The following FHIT variants were observed in gnomAD, a reference collection of about 807,000 sequenced individuals.
The protein encoded by FHIT is bis(5'-adenosyl)-triphosphatase.
Under a neutral mutation model 17.9 loss-of-function variants are expected in FHIT, and 19 were observed. That is an observed-to-expected ratio of 1.06 (90% CI 0.74 to 1.56). The LOEUF is 1.56. FHIT is among the 40% of genes most tolerant of loss of function. The pLI, the probability that FHIT is intolerant of heterozygous loss-of-function variation, is 0.00. For missense variants in FHIT, 248 were observed against 189.2 expected (o/e 1.31, Z -1.82); for synonymous variants, 81 against 69.7 (o/e 1.16, Z -0.81).
At chr3:60,388,073 T>C (rs1387761104) in intron 5 of FHIT, among the ~76,000 whole-genome samples, 1 of 152,174 alleles carries the variant, frequency 6.6e-6, no homozygotes, top group Non-Finnish European at 1.5e-5. Context: ...AAGCAGATAT[T>C]GTTGCTATGC....
At chr3:60,781,924 A>T (rs1553725779) in intron 4 of FHIT, among the ~76,000 whole-genome samples, 1 of 152,176 alleles carries the variant, frequency 6.6e-6, no homozygotes, top group African/African-American at 2.4e-5. Context: ...GGAATGATTA[A>T]ATCAAGCTAA....
chr3:60,044,236 G>T (rs977968730), intron 5 of FHIT, among the ~76,000 whole-genome samples: 2 of 152,142 alleles, frequency 1.3e-5, no homozygotes, highest in African/African-American at 2.4e-5. Context: ...AATTATAAAA[G>T]AACAAATATA....
chr3:59,898,976 G>C (rs1704200475), intron 8 of FHIT, among the ~76,000 whole-genome samples: 1 of 152,080 alleles, frequency 6.6e-6, no homozygotes, highest in African/African-American at 2.4e-5. Context: ...AGATGCTAAG[G>C]GGCAAGCTGA....
intron 8 of FHIT, among the ~76,000 whole-genome samples, chr3:59,811,524 G>T (rs1405191135): frequency 6.6e-6 from 1 of 152,176 alleles, no homozygotes; most frequent in Non-Finnish European, 1.5e-5. Context: ...ATTTCCACGG[G>T]TGAGCTCATT....
intron 4 of FHIT, among the ~76,000 whole-genome samples, chr3:60,774,439 T>C (rs1482674077): frequency 6.6e-6 from 1 of 152,108 alleles, no homozygotes; most frequent in Non-Finnish European, 1.5e-5. Context: ...TAGTTGGGAT[T>C]ACAGGCACCT....
intron 3 of FHIT, among the ~76,000 whole-genome samples, chr3:61,003,330 C>T (rs1008863528): frequency 1.2e-4 from 19 of 152,158 alleles, no homozygotes; most frequent in African/African-American, 4.6e-4. Flanking sequence ...GAAATTTATC[C>T]TAATTTAAAA....
At chr3:61,007,027 T>C (rs756759826) in intron 3 of FHIT, among the ~76,000 whole-genome samples, 1 of 152,226 alleles carries the variant, frequency 6.6e-6, no homozygotes, top group Non-Finnish European at 1.5e-5. Context: ...GTTGCCTCTT[T>C]CATCTTGCTG....
At chr3:61,147,865 C>G (rs1242094829) in intron 2 of FHIT, among the ~76,000 whole-genome samples, 1 of 151,860 alleles carries the variant, frequency 6.6e-6, no homozygotes. Context: ...CAAGTTCTTT[C>G]TAGCTACAAT....
At chr3:59,821,423 A>C (rs886854460) in intron 8 of FHIT, among the ~76,000 whole-genome samples, 1 of 152,172 alleles carries the variant, frequency 6.6e-6, no homozygotes, top group Non-Finnish European at 1.5e-5. Flanking sequence ...AAAACACTCC[A>C]CACCCATTAT....
chr3:60,183,308 G>C (rs1702021935), intron 5 of FHIT, among the ~76,000 whole-genome samples: 1 of 152,152 alleles, frequency 6.6e-6, no homozygotes, highest in East Asian at 1.9e-4. Flanking sequence ...TTAGGCAGGA[G>C]AATCACTTGA....
chr3:60,136,707 G>A (rs1394960418), intron 5 of FHIT, among the ~76,000 whole-genome samples: 4 of 152,140 alleles, frequency 2.6e-5, no homozygotes, highest in African/African-American at 9.7e-5. Flanking sequence ...ACATGCAGTT[G>A]TTAAGACCGC....
chr3:60,760,224 A>C lies in FHIT; in HGVS notation c.-18+61695T>G, dbSNP rs905211600. The stretch of plus-strand genomic sequence containing the variant: ...AGAGAACAGATAATTGCGGAAGCCA[A>C]GTGTTTTTGTAGGCATGTGTTGAGG... On this transcript the variant is annotated intron_variant, in intron 4 of 9. Transcript: ENST00000492590. Among the ~76,000 whole-genome samples, 6 of 152,290 alleles carry C rather than the reference A, an allele frequency of 3.9e-5. No homozygotes were observed. In the South Asian group the frequency reaches 6.2e-4, roughly 16 times the overall value.
chr3:60,136,929 T>G (rs761900814), intron 5 of FHIT, among the ~76,000 whole-genome samples: 1 of 152,216 alleles, frequency 6.6e-6, no homozygotes, highest in Non-Finnish European at 1.5e-5. Context: ...AGTGACCTGA[T>G]AAGAGGTACA....
intron 4 of FHIT, among the ~76,000 whole-genome samples, chr3:60,610,785 A>G (rs1553673243): frequency 6.6e-6 from 1 of 152,130 alleles, no homozygotes. Flanking sequence ...CTTTCCTGTC[A>G]TTTCAGTTAT....
chr3:60,723,416 T>C (rs181536241), intron 4 of FHIT, among the ~76,000 whole-genome samples: 1 of 152,266 alleles, frequency 6.6e-6, no homozygotes, highest in Non-Finnish European at 1.5e-5. Flanking sequence ...GCCTCACCTG[T>C]TTGTACAAAC....
chr3:60,953,526 T>C (rs781876478), intron 3 of FHIT, among the ~76,000 whole-genome samples: 1 of 152,162 alleles, frequency 6.6e-6, no homozygotes, highest in Non-Finnish European at 1.5e-5. Flanking sequence ...TCAAGTAACA[T>C]TTACCTCCTC....
chr3:60,629,516 C>A (rs2039384910), intron 4 of FHIT, among the ~76,000 whole-genome samples: 1 of 152,200 alleles, frequency 6.6e-6, no homozygotes, highest in Non-Finnish European at 1.5e-5. Context: ...TCTCTTTAAG[C>A]CTCTGAGACT....
At chr3:60,030,020 G>T (rs1303252199) in intron 5 of FHIT, among the ~76,000 whole-genome samples, 6 of 151,836 alleles carry the variant, frequency 4.0e-5, no homozygotes, top group Non-Finnish European at 1.5e-5. Flanking sequence ...GAACGCTCCC[G>T]TCATGGCCTT....
intron 8 of FHIT, among the ~76,000 whole-genome samples, chr3:59,908,529 T>G (rs560539419): frequency 9.9e-4 from 150 of 152,236 alleles, no homozygotes; most frequent in Non-Finnish European, 1.8e-3. Flanking sequence ...TGGCATTCCT[T>G]ACGGGTATCA....
Sources: gnomAD v4.1 joint callset for allele counts (sites outside exome capture counted in the v4.1 genomes callset) on GRCh38, gnomAD v4.1.1 for gene constraint, MANE v1.5 for transcripts, NCBI Gene and HGNC (gene_info 2026-07-23, HGNC 2026-07-21) for gene names.